Variants in PLEKHB1 observed in about 807,000 individuals in gnomAD.
The protein encoded by PLEKHB1 is pleckstrin homology domain-containing family B member 1.
PLEKHB1 carries 29 observed loss-of-function variants against 36.2 expected under a neutral mutation model. The observed-to-expected ratio is 0.80, with a 90% CI of 0.60 to 1.09. The LOEUF (loss-of-function observed/expected upper bound fraction) is 1.09, where lower values mean the gene tolerates loss of function less well. PLEKHB1 is among the 50% of genes least tolerant of loss of function. PLEKHB1 has a pLI of 0.00. For synonymous variants in PLEKHB1, 138 were observed against 140.0 expected, an observed-to-expected ratio of 0.99 and a Z score of 0.10; for missense variants, 330 against 348.2, an observed-to-expected ratio of 0.95 and a Z score of 0.42.
At chr11:73,656,004 C>T (rs1484293577) in intron 6 of PLEKHB1, 97 bp downstream of exon 6, 1 of 1,007,852 alleles carries the variant, frequency 9.9e-7, no homozygotes, top group Non-Finnish European at 1.5e-6. Flanking sequence ...ACAAACATTC[C>T]ATGGCTCCCT....
intron 1 of PLEKHB1, among the ~76,000 whole-genome samples, chr11:73,648,445 C>T (rs755899308): frequency 3.9e-5 from 6 of 152,134 alleles, no homozygotes; most frequent in Admixed American, 6.6e-5. Flanking sequence ...ACAGAGTGCT[C>T]GGTCCATCAC....
At chr11:73,653,811 G>A (rs1373561910) in intron 5 of PLEKHB1, among the ~76,000 whole-genome samples, 1 of 152,170 alleles carries the variant, frequency 6.6e-6, no homozygotes. Context: ...TGGGTAAGGA[G>A]GGAAGGAGGG....
intron 5 of PLEKHB1, among the ~76,000 whole-genome samples, chr11:73,653,612 A>G (rs986268489): frequency 2.0e-5 from 3 of 152,226 alleles, no homozygotes; most frequent in Non-Finnish European, 2.9e-5. Context: ...GTGGTAGTTC[A>G]GGCAAGGCTT....
rs769241117 is a variant in PLEKHB1 at position 73,661,447 on chromosome 11, G to T, written c.596-19G>T. 3.1e-6 allele frequency: 5 copies of T among 1,613,452 alleles called. No individual in the cohort carries two copies. In the Middle Eastern group the frequency reaches 8.3e-4, roughly 267 times the overall value. On this transcript the variant is annotated intron_variant, in intron 7 of 7. Transcript: ENST00000354190. This position sits in a 1 kb window ranked among gnomAD's most constrained non-coding sequence, Gnocchi z 4.6. ...TCCCTCCTAAGTCGCTGATCCTCATGGGCTGTCTCCCTCTGCAGGCCCTGG... is the reference window on the plus strand; with the variant it reads ...TCCCTCCTAAGTCGCTGATCCTCATTGGCTGTCTCCCTCTGCAGGCCCTGG...
chr11:73,655,119 C>T (rs1944966389), intron 5 of PLEKHB1, among the ~76,000 whole-genome samples: 1 of 152,168 alleles, frequency 6.6e-6, no homozygotes, highest in Non-Finnish European at 1.5e-5. Flanking sequence ...TGTCTGCACT[C>T]TGTGACTCTA....
intron 1 of PLEKHB1, chr11:73,647,453 T>C (rs1420426953): frequency 2.0e-6 from 1 of 492,824 alleles, no homozygotes; most frequent in East Asian, 1.5e-4. Flanking sequence ...AATGTCTTAA[T>C]AGAAAAGTAA....
intron 6 of PLEKHB1, among the ~76,000 whole-genome samples, chr11:73,657,339 T>G (rs950536771): frequency 6.6e-5 from 10 of 152,184 alleles, no homozygotes; most frequent in Non-Finnish European, 1.5e-4. Context: ...GTATTTTCCA[T>G]GCCCAAACTA....
At position 73,653,050 on chromosome 11, in the gene PLEKHB1, C is replaced by T. The variant is rs1944929340; in HGVS notation, c.390+36C>T. On this transcript the variant is annotated intron_variant, in intron 5 of 7. Coordinates refer to ENST00000354190, the MANE Select transcript of PLEKHB1 (RefSeq NM_021200.3). ...CGTTCTCTCCCCCTTTCCCCACCACCTCCATGTGCCATGGAATCATGAGTG... is the reference window on the plus strand; with the variant it reads ...CGTTCTCTCCCCCTTTCCCCACCACTTCCATGTGCCATGGAATCATGAGTG... 4.4e-6 allele frequency: 7 copies of T among 1,588,544 alleles called. No homozygotes were observed. The East Asian group carries it at 6.8e-5, about 15-fold the overall frequency.
chr11:73,651,846 A>C lies in PLEKHB1; in HGVS notation c.306A>C (p.Glu102Asp). The C allele has an allele frequency of 6.2e-7, 1 of 1,613,646 alleles. No homozygotes were observed. The highest frequency in any genetic ancestry group is 8.5e-7 in the Non-Finnish European group (1 of 1,179,876). Residue 102 changes from glutamate (E) to aspartate (D), a missense_variant, in exon 4 of 8, where the codon GAA becomes GAC. Glu to Asp is a conservative substitution (Grantham distance 45). Transcript: ENST00000354190. ...GCCTGCTGACTGTGAACCTACGGGA[A>C]GGCGGCCGCCTGCACCTCTGTGCGG... ...RDGLLTVNLREGGRLHLCAET... is the reference protein window; with the variant it reads ...RDGLLTVNLRDGGRLHLCAET...
chr11:73,652,122 G>T, intron 4 of PLEKHB1: 1 of 553,502 alleles, frequency 1.8e-6, no homozygotes, highest in Admixed American at 3.2e-5. Context: ...CTGAGGGGGA[G>T]GTGTGCACAC....
chr11:73,652,881 G>A (rs1944922862), intron 4 of PLEKHB1, 94 bp from the exon 5 acceptor site: 1 of 1,091,856 alleles, frequency 9.2e-7, no homozygotes, highest in Non-Finnish European at 1.3e-6. Flanking sequence ...ACTTGGGCTT[G>A]AGGCTGGGTT....
intron 5 of PLEKHB1, among the ~76,000 whole-genome samples, chr11:73,653,688 A>G (rs7939264): frequency 0.68 from 103,357 of 151,908 alleles, 35,909 homozygotes; most frequent in Middle Eastern, 0.78. Flanking sequence ...GGTAAAGGGC[A>G]CGGCATTCCA....
At chr11:73,655,734 T>A (rs1341780926) in intron 5 of PLEKHB1, 69 bp from the exon 6 acceptor site, 1 of 1,388,084 alleles carries the variant, frequency 7.2e-7, no homozygotes, top group Non-Finnish European at 1.0e-6. Context: ...CTTGAGTCTC[T>A]TTAGGTGTAG....
intron 5 of PLEKHB1, 48 bp from the exon 6 acceptor site, chr11:73,655,755 A>T (rs1157856168): frequency 1.9e-6 from 3 of 1,555,152 alleles, no homozygotes; most frequent in Non-Finnish European, 2.7e-6. Flanking sequence ...AGGGCCTCTG[A>T]CACCCCCTCC....
At chr11:73,647,954 ACAGAGGGCAC>A (rs1944802385) in intron 1 of PLEKHB1, 2 of 985,366 alleles carry the variant, frequency 2.0e-6, no homozygotes, top group African/African-American at 3.5e-5. Flanking sequence ...GCCCTCAGGA[ACAGAGGGCAC>A]CTACCTGGAT....
In PLEKHB1 at chr11:73,660,836, C is replaced by T. The variant is rs1284964451; in HGVS notation, c.579C>T (p.Tyr193=). 2.5e-6 allele frequency: 4 copies of T among 1,592,320 alleles called. No individual in the cohort carries two copies. Among genetic ancestry groups the T allele is most frequent in the East Asian group, 2.3e-5 (1 of 43,614 alleles). The change falls in exon 7 of 8, where the codon TAC becomes TAT. Residue 193 remains tyrosine (Y), a synonymous_variant. Coordinates refer to ENST00000354190, the MANE Select transcript of PLEKHB1 (RefSeq NM_021200.3). ...AGGCCACGTATGTCCGCAGCTACTA[C>T]GGACCGCCCTACGCAGGTAAGTCTC... The part of the protein sequence containing the change: ...AHEATYVRSY[Y]GPPYAGPGVT...
At chr11:73,652,802 T>C in intron 4 of PLEKHB1, 173 bp from the exon 5 acceptor site, 1 of 561,634 alleles carries the variant, frequency 1.8e-6, no homozygotes, top group Non-Finnish European at 3.2e-6. Flanking sequence ...TCCATCCATG[T>C]GACTGGGGCA....
At chr11:73,660,302 T>C in intron 6 of PLEKHB1, 1 of 173,364 alleles carries the variant, frequency 5.8e-6, no homozygotes, top group Non-Finnish European at 1.2e-5. Flanking sequence ...ATAACTGTAT[T>C]TTAGTTACTT....
At chr11:73,653,150 G>A in intron 5 of PLEKHB1, 136 bp downstream of exon 5, 1 of 898,618 alleles carries the variant, frequency 1.1e-6, no homozygotes, top group East Asian at 2.7e-5. Flanking sequence ...TGATGCCTGA[G>A]TCCCAAGTGT....
Sources: gnomAD v4.1 joint callset for allele counts (sites outside exome capture counted in the v4.1 genomes callset) on GRCh38, gnomAD v4.1.1 for gene constraint, Gnocchi (gnomAD v3.1) non-coding constraint, MANE v1.5 for transcripts, NCBI Gene and HGNC (gene_info 2026-07-23, HGNC 2026-07-21) for gene names.